Variants in ATP2A2 observed in about 807,000 individuals in gnomAD.
The protein encoded by ATP2A2 is sarcoplasmic/endoplasmic reticulum calcium ATPase 2.
Under a neutral mutation model 109.3 loss-of-function variants are expected in ATP2A2, and 14 were observed. That is an observed-to-expected ratio of 0.13 (90% CI 0.08 to 0.20). The LOEUF (loss-of-function observed/expected upper bound fraction) is 0.20, where lower values mean the gene tolerates loss of function less well. Ranked by LOEUF, ATP2A2 falls within the 10% of genes least tolerant of loss-of-function variation. ATP2A2 has a pLI of 1.00. For synonymous variants in ATP2A2, 506 were observed against 490.9 expected, an observed-to-expected ratio of 1.03 and a Z score of -0.41; for missense variants, 657 against 1,321.6, an observed-to-expected ratio of 0.50 and a Z score of 7.80.
chr12:110,324,828 C>A (rs1391811660), intron 6 of ATP2A2, among the ~76,000 whole-genome samples: 1 of 134,432 alleles, frequency 7.4e-6, no homozygotes. Flanking sequence ...TAATGAAAAT[C>A]TTTTTTTTTT....
At chr12:110,325,311 C>A (rs941324606) in intron 6 of ATP2A2, among the ~76,000 whole-genome samples, 1 of 152,020 alleles carries the variant, frequency 6.6e-6, no homozygotes, top group Non-Finnish European at 1.5e-5. Context: ...CTCAGATTGA[C>A]CCTAATTATA....
chr12:110,332,716 C>G lies in ATP2A2; in HGVS notation c.1184+31C>G, dbSNP rs895156002. ...TAACCCTCCTCCTCATTTAAAGGAT[C>G]TGGTGTGGCAGTTTAGTATTTGTAT... On this transcript the variant is annotated intron_variant, in intron 9 of 19. Coordinates refer to ENST00000539276, the MANE Select transcript of ATP2A2 (RefSeq NM_170665.4). The G allele has an allele frequency of 6.5e-6, 10 of 1,530,164 alleles. No homozygotes were observed. In the African/African-American group the frequency reaches 1.4e-4, roughly 21 times the overall value. The allele number at this position is 1,530,164 out of a possible 1,614,324, so 94.8% of individuals were successfully genotyped here.
chr12:110,332,486 C>T (rs570446780), intron 8 of ATP2A2, 111 bp from the exon 9 acceptor site: 42 of 935,448 alleles, frequency 4.5e-5, no homozygotes, highest in East Asian at 7.2e-5. Context: ...AAGTTGTTTT[C>T]GTAAATGAAA....
At chr12:110,298,885 C>G (rs1210650649) in intron 5 of ATP2A2, among the ~76,000 whole-genome samples, 2 of 152,050 alleles carry the variant, frequency 1.3e-5, no homozygotes, top group African/African-American at 4.8e-5. Context: ...CAAGGATGTT[C>G]TCTTATATAA....
chr12:110,342,210 C>T lies in ATP2A2; in HGVS notation c.2098-18C>T. ...TGGCATGCCAGTTGGCTGACCCAAC[C>T]ATTGCTTTCCCTTTCAGACTGGCGA... is the stretch of plus-strand genomic sequence containing the variant. On this transcript the variant is annotated intron_variant, in intron 14 of 19. Coordinates refer to ENST00000539276, the MANE Select transcript of ATP2A2 (RefSeq NM_170665.4). The surrounding 1 kb of genome is among the most constrained non-coding windows in gnomAD (Gnocchi z 4.6). 6.2e-7 allele frequency: 1 copy of T among 1,614,136 alleles called. No individual in the cohort carries two copies. The highest frequency in any genetic ancestry group is 2.2e-5 in the East Asian group (1 of 44,880).
At chr12:110,310,439 T>G (rs1566216442) in intron 5 of ATP2A2, among the ~76,000 whole-genome samples, 1 of 152,236 alleles carries the variant, frequency 6.6e-6, no homozygotes, top group Non-Finnish European at 1.5e-5. Context: ...AGTCTTAGTT[T>G]TAGAATTTTG....
At chr12:110,298,051 G>A (rs1356816703) in intron 5 of ATP2A2, among the ~76,000 whole-genome samples, 1 of 152,134 alleles carries the variant, frequency 6.6e-6, no homozygotes, top group East Asian at 1.9e-4. Flanking sequence ...TCTGAGTTAA[G>A]TATACTATTT....
At chr12:110,345,892 G>T in intron 18 of ATP2A2, 109 bp from the exon 19 acceptor site, 2 of 1,093,772 alleles carry the variant, frequency 1.8e-6, no homozygotes, top group Non-Finnish European at 2.8e-6. Context: ...AGCGGATGGT[G>T]CCACATTAAC....
At chr12:110,297,109 A>G (rs547267302) in intron 5 of ATP2A2, among the ~76,000 whole-genome samples, 2 of 152,292 alleles carry the variant, frequency 1.3e-5, no homozygotes, top group East Asian at 3.9e-4. Context: ...GTTTCTTGGC[A>G]CCAAAGTTCA....
In ATP2A2 at chr12:110,281,750, C is replaced by CGCGGGGACGGGAG; in HGVS notation, c.-36_-24dup. On this transcript the variant is annotated 5_prime_UTR_variant, in exon 1 of 20. Coordinates refer to ENST00000539276, the MANE Select transcript of ATP2A2 (RefSeq NM_170665.4). ...GAGTGCGAGGCGGAGGCGAGGAGGC[C>CGCGGGGACGGGAG]GCGGGGACGGGAGGCGAGGCCGGCC... The CGCGGGGACGGGAG allele has an allele frequency of 1.4e-6, 2 of 1,417,432 alleles. No homozygotes were observed. The highest frequency in any genetic ancestry group is 1.4e-5 in the South Asian group (1 of 73,316). The allele number at this position is 1,417,432 out of a possible 1,614,324, so 87.8% of individuals were successfully genotyped here. A position where few individuals can be genotyped will look rare whatever the true frequency, so the allele number is the denominator to read the frequency against.
Position 110,332,692 on chromosome 12 carries a change from A to AACCCT in ATP2A2, c.1184+8_1184+12dup. The stretch of plus-strand genomic sequence containing the variant: ...ATGCACCTATTGGAGAAGTGTGAGT[A>AACCCT]ACCCTCCTCCTCATTTAAAGGATCT... On this transcript the variant is annotated splice_region_variant and intron_variant, in intron 9 of 19. Coordinates refer to ENST00000539276, the MANE Select transcript of ATP2A2 (RefSeq NM_170665.4). The AACCCT allele has an allele frequency of 6.3e-7, 1 of 1,593,128 alleles. No homozygotes were observed. The highest frequency in any genetic ancestry group is 1.1e-5 in the South Asian group (1 of 90,636).
At chr12:110,288,153 G>A (rs1159730419) in intron 3 of ATP2A2, among the ~76,000 whole-genome samples, 2 of 142,674 alleles carry the variant, frequency 1.4e-5, no homozygotes, top group African/African-American at 2.7e-5. Context: ...TGTCACCTAG[G>A]CTGGAATGTA....
chr12:110,293,024 G>A (rs948221668), intron 4 of ATP2A2, among the ~76,000 whole-genome samples: 2 of 152,128 alleles, frequency 1.3e-5, no homozygotes, highest in Admixed American at 6.6e-5. Flanking sequence ...CATGTTAAGT[G>A]TTGATCTTTT....
chr12:110,302,665 T>G (rs117391689), intron 5 of ATP2A2, among the ~76,000 whole-genome samples: 6,242 of 152,114 alleles, frequency 0.041, 174 homozygotes, highest in Middle Eastern at 0.068. Flanking sequence ...AGTAGCGTGA[T>G]CTCGGTTCAC....
Position 110,347,885 on chromosome 12 carries a change from C to T in ATP2A2, c.*1415C>T. The T allele has an allele frequency of 1.0e-6, 1 of 997,928 alleles. No homozygotes were observed. Among genetic ancestry groups the T allele is most frequent in the Non-Finnish European group, 1.2e-6 (1 of 837,520 alleles). The allele number at this position is 997,928 out of a possible 1,614,324, so 61.8% of individuals were successfully genotyped here. A position where few individuals can be genotyped will look rare whatever the true frequency, so the allele number is the denominator to read the frequency against. On this transcript the variant is annotated 3_prime_UTR_variant, in exon 20 of 20. Coordinates refer to ENST00000539276, the MANE Select transcript of ATP2A2 (RefSeq NM_170665.4). ...TATGTCACTAACTTATAAGCCGCCT[C>T]CATGGCAGATGCTGCTGTGCTCCCT...
Position 110,348,710 on chromosome 12 carries a change from A to T in ATP2A2, c.*2240A>T, listed in dbSNP as rs879838615. On this transcript the variant is annotated 3_prime_UTR_variant, in exon 20 of 20. Coordinates refer to ENST00000539276, the MANE Select transcript of ATP2A2 (RefSeq NM_170665.4). ...CAGAGTGAGGCCCTGTCAAAAAAAA[A>T]TCAGCCTTACTGTGAAGCCTCCAAG... is the stretch of plus-strand genomic sequence containing the variant. The T allele has an allele frequency of 7.1e-6, 7 of 985,344 alleles. No homozygotes were observed. The Admixed American group carries it at 1.8e-4, about 26-fold the overall frequency. The allele number at this position is 985,344 out of a possible 1,614,324, so 61.0% of individuals were successfully genotyped here. A position where few individuals can be genotyped will look rare whatever the true frequency, so the allele number is the denominator to read the frequency against.
At chr12:110,334,186 T>TC in intron 11 of ATP2A2, 43 bp downstream of exon 11, 2 of 1,609,720 alleles carry the variant, frequency 1.2e-6, no homozygotes, top group African/African-American at 2.7e-5. Flanking sequence ...TGCTTATCAG[T>TC]CGTACTATAT....
rs536577795 is a variant in ATP2A2, at chr12:110,330,574, G to A, written c.1096-2023G>A. Reference sequence around the variant, plus strand: ...ATAGTCTTTATGTCTGTGAAAGTAAGCCATGTGTAAAGCCATGTGTAAAAT... The same window carrying A: ...ATAGTCTTTATGTCTGTGAAAGTAAACCATGTGTAAAGCCATGTGTAAAAT... On this transcript the variant is annotated intron_variant, in intron 8 of 19. Transcript: ENST00000539276. 9.4e-5 allele frequency: 14 copies of A among 149,222 alleles called. 1 individual carries two copies. The South Asian group carries it at 2.7e-3, about 29-fold the overall frequency. 9.2% of individuals were successfully genotyped at this position (149,222 alleles called of 1,614,324 possible). A position where few individuals can be genotyped will look rare whatever the true frequency, so the allele number is the denominator to read the frequency against.
intron 10 of ATP2A2, 98 bp downstream of exon 10, chr12:110,333,381 C>A: frequency 8.7e-7 from 1 of 1,152,798 alleles, no homozygotes; most frequent in South Asian, 1.2e-5. Context: ...TTTTGAAAGT[C>A]AAGGGTGCCT....
Sources: gnomAD v4.1 joint callset for allele counts (sites outside exome capture counted in the v4.1 genomes callset) on GRCh38, gnomAD v4.1.1 for gene constraint, Gnocchi (gnomAD v3.1) non-coding constraint, MANE v1.5 for transcripts, NCBI Gene and HGNC (gene_info 2026-07-23, HGNC 2026-07-21) for gene names.